KCNMA1: variants seen among roughly 807,000 people sequenced by gnomAD.
The protein encoded by KCNMA1 is Calcium-activated potassium channel subunit alpha-1.
In KCNMA1, 29 loss-of-function variants were observed where a neutral mutation model predicts 140.0. The observed-to-expected ratio is 0.21, with a 90% CI of 0.15 to 0.28. The LOEUF (loss-of-function observed/expected upper bound fraction) is 0.28, where lower values mean the gene tolerates loss of function less well. Among genes scored for constraint, KCNMA1 ranks in the 10% least tolerant of loss-of-function variants. The probability of loss-of-function intolerance (pLI) is 1.00; values close to 1 mark genes in which losing one functional copy is unlikely to be tolerated. For synonymous variants in KCNMA1, 612 were observed against 611.9 expected, an observed-to-expected ratio of 1.00 and a Z score of 0.00; for missense variants, 880 against 1,602.2, an observed-to-expected ratio of 0.55 and a Z score of 7.70.
intron 2 of KCNMA1, among the ~76,000 whole-genome samples, chr10:77,340,367 T>C (rs1486953537): frequency 6.6e-6 from 1 of 152,164 alleles, no homozygotes; most frequent in African/African-American, 2.4e-5. Flanking sequence ...ACTGTATATA[T>C]ACCCAAAGGA....
chr10:77,290,486 A>G (rs967512442), intron 2 of KCNMA1, among the ~76,000 whole-genome samples: 1 of 152,076 alleles, frequency 6.6e-6, no homozygotes, highest in South Asian at 2.1e-4. Context: ...TGCCCTTCGT[A>G]CTCCACTTTC....
chr10:76,937,165 G>T (rs1415421753), intron 23 of KCNMA1, among the ~76,000 whole-genome samples: 3 of 152,160 alleles, frequency 2.0e-5, no homozygotes. Context: ...TGCTGTTCTG[G>T]AAATATCTTC....
intron 1 of KCNMA1, among the ~76,000 whole-genome samples, chr10:77,407,311 G>A (rs142162712): frequency 8.7e-4 from 132 of 152,172 alleles, no homozygotes; most frequent in African/African-American, 2.7e-3. Flanking sequence ...ACTTCACTCT[G>A]GCCAAAGCAC....
chr10:77,625,786 T>C (rs140022694), intron 1 of KCNMA1, among the ~76,000 whole-genome samples: 166 of 152,332 alleles, frequency 1.1e-3, no homozygotes, highest in African/African-American at 3.8e-3. Flanking sequence ...CTTTGGCCAT[T>C]GTAAATAATG....
At chr10:77,598,561 A>G (rs117992015) in intron 1 of KCNMA1, among the ~76,000 whole-genome samples, 2,819 of 152,324 alleles carry the variant, frequency 0.019, 58 homozygotes, top group Non-Finnish European at 0.029. Flanking sequence ...TCTCCATATT[A>G]TGATTCCACC....
chr10:76,973,582 C>T (rs963506959), intron 19 of KCNMA1, among the ~76,000 whole-genome samples: 12 of 152,154 alleles, frequency 7.9e-5, no homozygotes, highest in Admixed American at 7.9e-4. Flanking sequence ...AGACAATGTT[C>T]TGAGAATTGA....
chr10:77,337,244 T>C (rs964932309), intron 2 of KCNMA1, among the ~76,000 whole-genome samples: 1 of 152,164 alleles, frequency 6.6e-6, no homozygotes, highest in Non-Finnish European at 1.5e-5. Flanking sequence ...TGACTTTAGA[T>C]GGGAAGACAA....
chr10:77,429,448 G>A (rs1008643452), intron 1 of KCNMA1, among the ~76,000 whole-genome samples: 3 of 152,064 alleles, frequency 2.0e-5, no homozygotes, highest in Admixed American at 6.5e-5. Context: ...ATGGCCAAAC[G>A]TCCCCTCGAG....
At chr10:77,067,898 G>A (rs992596131) in intron 14 of KCNMA1, among the ~76,000 whole-genome samples, 41 of 152,174 alleles carry the variant, frequency 2.7e-4, no homozygotes, top group African/African-American at 8.7e-4. Flanking sequence ...CGCACTGTCT[G>A]GAACATGGTA....
At chr10:77,289,093 C>T (rs1460400208) in intron 2 of KCNMA1, among the ~76,000 whole-genome samples, 1 of 152,170 alleles carries the variant, frequency 6.6e-6, no homozygotes, top group African/African-American at 2.4e-5. Context: ...CAGCTGGGAG[C>T]CTCTTGACAG....
At chr10:77,619,992 G>A (rs1044128716) in intron 1 of KCNMA1, among the ~76,000 whole-genome samples, 9 of 152,100 alleles carry the variant, frequency 5.9e-5, no homozygotes, top group African/African-American at 1.7e-4. Flanking sequence ...TATGGACCAC[G>A]CCAGGTCATC....
At chr10:77,567,286 G>GC (rs1258146284) in intron 1 of KCNMA1, among the ~76,000 whole-genome samples, 1 of 152,158 alleles carries the variant, frequency 6.6e-6, no homozygotes, top group East Asian at 1.9e-4. Context: ...CCACATTCAG[G>GC]CCCCTCTTAA....
chr10:76,990,938 AG>A (rs1374629590), intron 19 of KCNMA1, among the ~76,000 whole-genome samples: 2 of 152,204 alleles, frequency 1.3e-5, no homozygotes, highest in African/African-American at 4.8e-5. Flanking sequence ...GGCTCCTAAT[AG>A]GTAATAGCTA....
intron 3 of KCNMA1, among the ~76,000 whole-genome samples, chr10:77,246,626 C>T (rs927120322): frequency 6.6e-6 from 1 of 152,200 alleles, no homozygotes; most frequent in South Asian, 2.1e-4. Flanking sequence ...CAATTTCTAT[C>T]GCAATCTTAA....
chr10:77,397,630 A>T lies in KCNMA1; in HGVS notation c.540+6232T>A, dbSNP rs566424677. The stretch of plus-strand genomic sequence containing the variant: ...ATTTCTATAAATACAGTTTATTTGT[A>T]TAAATGTAAGGAGTATGAGTGCAGT... On this transcript the variant is annotated intron_variant, in intron 2 of 27. Coordinates refer to ENST00000286628, the MANE Select transcript of KCNMA1 (RefSeq NM_001161352.2). Among the ~76,000 whole-genome samples the T allele has an allele frequency of 2.0e-5, 3 of 152,324 alleles. No individual in the cohort carries two copies. The South Asian group carries it at 6.2e-4, about 32-fold the overall frequency.
At chr10:77,544,147 C>A (rs1397668792) in intron 1 of KCNMA1, among the ~76,000 whole-genome samples, 5 of 104,510 alleles carry the variant, frequency 4.8e-5, no homozygotes, top group Admixed American at 3.8e-4. Flanking sequence ...CATATCTTTC[C>A]AGCTGTGTGT....
chr10:77,341,690 G>T (rs1000566097), intron 2 of KCNMA1, among the ~76,000 whole-genome samples: 1 of 152,178 alleles, frequency 6.6e-6, no homozygotes, highest in African/African-American at 2.4e-5. Flanking sequence ...GCTGGTGAAG[G>T]GGGTAGTGAG....
intron 2 of KCNMA1, among the ~76,000 whole-genome samples, chr10:77,393,925 G>A (rs1291701348): frequency 1.3e-5 from 2 of 152,250 alleles, no homozygotes; most frequent in African/African-American, 2.4e-5. Context: ...GCTGCTGACT[G>A]CACAGAGGCT....
intron 1 of KCNMA1, among the ~76,000 whole-genome samples, chr10:77,406,977 G>A (rs2096490828): frequency 6.6e-6 from 1 of 152,148 alleles, no homozygotes; most frequent in Non-Finnish European, 1.5e-5. Context: ...AGTCACAGTG[G>A]TTAACTGCAT....
Sources: allele counts gnomAD v4.1 joint callset (sites outside exome capture counted in the v4.1 genomes callset), GRCh38; gene constraint gnomAD v4.1.1; transcripts MANE v1.5; gene names NCBI Gene and HGNC (gene_info 2026-07-23, HGNC 2026-07-21).